RBBP8: variants seen among roughly 807,000 people sequenced by gnomAD.
RBBP8 encodes RB binding protein 8, endonuclease, also known as DNA endonuclease RBBP8.
Under a neutral mutation model 108.3 loss-of-function variants are expected in RBBP8, and 88 were observed. That is an observed-to-expected ratio of 0.81 (90% confidence interval 0.68 to 0.97). The LOEUF is 0.97. Among genes scored for constraint, RBBP8 ranks in the 50% least tolerant of loss-of-function variants. The pLI is 0.00. For synonymous variants in RBBP8, 332 were observed against 348.2 expected, an observed-to-expected ratio of 0.95 and a Z score of 0.52; for missense variants, 1,023 against 1,049.0, an observed-to-expected ratio of 0.98 and a Z score of 0.34.
chr18:22,963,812 C>T lies in RBBP8; in HGVS notation c.249-4994C>T, dbSNP rs79255065. Among the ~76,000 whole-genome samples, 931 of 152,232 alleles carry T rather than the reference C, an allele frequency of 6.1e-3. 10 individuals carry two copies. Among genetic ancestry groups the T allele is most frequent in the African/African-American group, 0.022 (893 of 41,528 alleles). Reference sequence around the variant, plus strand: ...ATAACCAATTCCGTTGTACCCATCACTTGGTTTCAGCAGTTAATTGTGGCC... The same window carrying T: ...ATAACCAATTCCGTTGTACCCATCATTTGGTTTCAGCAGTTAATTGTGGCC... On this transcript the variant is annotated intron_variant, in intron 4 of 18. Transcript: ENST00000327155.
At chr18:22,970,418 A>G (rs190409452) in intron 5 of RBBP8, among the ~76,000 whole-genome samples, 3 of 152,356 alleles carry the variant, frequency 2.0e-5, no homozygotes, top group Non-Finnish European at 4.4e-5. Flanking sequence ...GTGTTAAAGT[A>G]TAAGACAACG....
chr18:22,984,298 AG>A (rs1915167537), intron 7 of RBBP8, among the ~76,000 whole-genome samples: 1 of 152,206 alleles, frequency 6.6e-6, no homozygotes, highest in Admixed American at 6.5e-5. Flanking sequence ...AGCATGCTTC[AG>A]AGTTTCCTTC....
chr18:22,947,225 C>CA (rs528973470), intron 3 of RBBP8, among the ~76,000 whole-genome samples: 1 of 151,702 alleles, frequency 6.6e-6, no homozygotes, highest in East Asian at 1.9e-4. Flanking sequence ...ATTGTAAAGA[C>CA]AAAAAAAATT....
chr18:22,924,893 CTTT>C (rs139454812), intron 3 of RBBP8, among the ~76,000 whole-genome samples: 2 of 145,534 alleles, frequency 1.4e-5, no homozygotes, highest in Non-Finnish European at 3.0e-5. Context: ...AGGAAGGAAG[CTTT>C]TTTTTTTTTC....
chr18:22,936,966 A>C lies in RBBP8; in HGVS notation c.109+6A>C. On this transcript the variant is annotated splice_donor_region_variant and intron_variant, in intron 2 of 18. Coordinates refer to ENST00000327155, the MANE Select transcript of RBBP8 (RefSeq NM_002894.3). ...TCATGATAGAGAAGTACAAGGTAAA[A>C]TCTTTTCTTAAATACTTACAGCAGT... 6.2e-7 allele frequency: 1 copy of C among 1,613,832 alleles called. No homozygotes were observed. The highest frequency in any genetic ancestry group is 8.5e-7 in the Non-Finnish European group (1 of 1,179,952).
chr18:22,973,911 G>A (rs1365446518), intron 5 of RBBP8, among the ~76,000 whole-genome samples: 1 of 152,034 alleles, frequency 6.6e-6, no homozygotes, highest in East Asian at 1.9e-4. Flanking sequence ...TATAAAACAT[G>A]TTTATGTAGT....
chr18:23,021,100 AAAGTG>A (rs1235332512), intron 17 of RBBP8, among the ~76,000 whole-genome samples: 1 of 152,208 alleles, frequency 6.6e-6, no homozygotes, highest in Admixed American at 6.5e-5. Flanking sequence ...TCTCAAGTGT[AAAGTG>A]AAGGAATCGG....
chr18:22,922,519 G>A (rs1435620057), intron 3 of RBBP8, among the ~76,000 whole-genome samples: 2 of 152,070 alleles, frequency 1.3e-5, no homozygotes, highest in African/African-American at 4.8e-5. Flanking sequence ...CTGGAGTGAG[G>A]TGGCAAGATC....
chr18:22,975,292 T>TG (rs1914421588), intron 6 of RBBP8, 73 bp downstream of exon 6: 1 of 1,560,962 alleles, frequency 6.4e-7, no homozygotes, highest in Non-Finnish European at 8.7e-7. Context: ...CTGTAAGAGT[T>TG]GCAGATTTCA....
At chr18:23,013,243 C>T (rs1328985134) in intron 16 of RBBP8, among the ~76,000 whole-genome samples, 1 of 151,914 alleles carries the variant, frequency 6.6e-6, no homozygotes. Flanking sequence ...TTATTTAAAT[C>T]ACCTTCCCCT....
intron 14 of RBBP8, among the ~76,000 whole-genome samples, chr18:23,000,613 A>G (rs1030511380): frequency 1.3e-5 from 2 of 151,848 alleles, no homozygotes. Context: ...ATGGTGGCGC[A>G]CACCTCTAAT....
chr18:22,966,379 C>T (rs2015781966), intron 4 of RBBP8, among the ~76,000 whole-genome samples: 1 of 152,050 alleles, frequency 6.6e-6, no homozygotes, highest in Admixed American at 6.5e-5. Flanking sequence ...CTACATATGA[C>T]TTCCTATCTT....
chr18:22,971,776 G>C (rs1914104682), intron 5 of RBBP8, among the ~76,000 whole-genome samples: 1 of 149,836 alleles, frequency 6.7e-6, no homozygotes, highest in Non-Finnish European at 1.5e-5. Flanking sequence ...CTCCCAAGTA[G>C]CTGGGATTAC....
At chr18:22,973,573 T>G (rs959890781) in intron 5 of RBBP8, among the ~76,000 whole-genome samples, 1 of 152,238 alleles carries the variant, frequency 6.6e-6, no homozygotes, top group African/African-American at 2.4e-5. Context: ...CTTTTTGTCT[T>G]GTCAATACTT....
intron 16 of RBBP8, among the ~76,000 whole-genome samples, chr18:23,015,963 G>A (rs2046248696): frequency 6.6e-6 from 1 of 152,052 alleles, no homozygotes; most frequent in Admixed American, 6.6e-5. Flanking sequence ...AGGCTAGAGT[G>A]CAGTGGCATA....
At position 23,001,581 on chromosome 18, in the gene RBBP8, C is replaced by T; in HGVS notation, c.2144-5C>T. ...ATTGCCCTAAGCCAGTGCTCTTTTA[C>T]ATAGATGAAGAAAGAAAAATGAATG... On this transcript the variant is annotated splice_polypyrimidine_tract_variant and splice_region_variant and intron_variant, in intron 14 of 18. Transcript: ENST00000327155. 1 of 1,614,030 alleles carries T rather than the reference C, an allele frequency of 6.2e-7. No individual in the cohort carries two copies. Among genetic ancestry groups the T allele is most frequent in the Non-Finnish European group, 8.5e-7 (1 of 1,179,984 alleles).
chr18:22,926,692 G>A (rs1909802842), intron 3 of RBBP8, among the ~76,000 whole-genome samples: 2 of 152,290 alleles, frequency 1.3e-5, no homozygotes, highest in Middle Eastern at 3.4e-3. Flanking sequence ...AACGAAGAAG[G>A]TATGAAGTCC....
chr18:22,935,823 C>G (rs1235133040), intron 1 of RBBP8, among the ~76,000 whole-genome samples: 1 of 152,206 alleles, frequency 6.6e-6, no homozygotes, highest in Non-Finnish European at 1.5e-5. Context: ...CTTAATGATT[C>G]ACCTTTATTC....
intron 3 of RBBP8, among the ~76,000 whole-genome samples, chr18:22,918,257 C>A (rs1296786481): frequency 6.6e-6 from 1 of 152,112 alleles, no homozygotes; most frequent in Admixed American, 6.5e-5. Flanking sequence ...CAAGTAACAA[C>A]AGGGATACAT....
Sources: allele counts gnomAD v4.1 joint callset (sites outside exome capture counted in the v4.1 genomes callset), GRCh38; gene constraint gnomAD v4.1.1; transcripts MANE v1.5; gene names NCBI Gene and HGNC (gene_info 2026-07-23, HGNC 2026-07-21).